LEMD1: variants seen among roughly 807,000 people sequenced by gnomAD.
LEMD1 encodes the protein LEM domain containing 1.
Under a neutral mutation model 17.4 loss-of-function variants are expected in LEMD1, and 18 were observed. The observed-to-expected ratio is 1.04, with a 90% CI of 0.72 to 1.54. The LOEUF is 1.54. LEMD1 is among the 40% of genes most tolerant of loss of function. The pLI, the probability that LEMD1 is intolerant of heterozygous loss-of-function variation, is 0.00. For missense variants in LEMD1, 195 were observed against 210.4 expected (o/e 0.93, Z 0.45); for synonymous variants, 88 against 77.8 (o/e 1.13, Z -0.69).
At chr1:205,395,354 G>T in intron 4 of LEMD1, among the ~76,000 whole-genome samples, 1 of 152,204 alleles carries the variant, frequency 6.6e-6, no homozygotes, top group East Asian at 1.9e-4. Flanking sequence ...CAGCACTTTG[G>T]GAGGCTGAGG....
intron 4 of LEMD1, among the ~76,000 whole-genome samples, chr1:205,402,733 C>T (rs1664909210): frequency 6.6e-6 from 1 of 150,680 alleles, no homozygotes; most frequent in African/African-American, 2.4e-5. Context: ...ACTTCCAACA[C>T]TATGTTGAAT....
chr1:205,382,635 T>C (rs1445689430), intron 5 of LEMD1, among the ~76,000 whole-genome samples: 1 of 152,150 alleles, frequency 6.6e-6, no homozygotes, highest in African/African-American at 2.4e-5. Context: ...AAACATTTCT[T>C]CATTGTTTCC....
At chr1:205,417,660 C>G (rs1665754409) in intron 3 of LEMD1, among the ~76,000 whole-genome samples, 1 of 152,010 alleles carries the variant, frequency 6.6e-6, no homozygotes, top group Admixed American at 6.6e-5. Flanking sequence ...CCTTGCCATC[C>G]TTTTCAAGTG....
At chr1:205,406,277 T>C (rs1424785810) in intron 4 of LEMD1, among the ~76,000 whole-genome samples, 1 of 152,232 alleles carries the variant, frequency 6.6e-6, no homozygotes, top group Non-Finnish European at 1.5e-5. Flanking sequence ...GTTACTGCTG[T>C]CTTTTTGTTT....
At chr1:205,427,989 A>G (rs1394954070) in intron 1 of LEMD1, among the ~76,000 whole-genome samples, 1 of 152,222 alleles carries the variant, frequency 6.6e-6, no homozygotes, top group African/African-American at 2.4e-5. Context: ...GATCCCGAGT[A>G]TGGAAGGCAA....
At chr1:205,428,987 G>C (rs1259059394) in intron 1 of LEMD1, among the ~76,000 whole-genome samples, 1 of 152,144 alleles carries the variant, frequency 6.6e-6, no homozygotes, top group Non-Finnish European at 1.5e-5. Context: ...TCTCCACATG[G>C]CTCCCTCACA....
At chr1:205,413,525 G>A (rs1665547484) in intron 4 of LEMD1, among the ~76,000 whole-genome samples, 1 of 148,910 alleles carries the variant, frequency 6.7e-6, no homozygotes, top group Non-Finnish European at 1.5e-5. Flanking sequence ...CTGGGCTCAA[G>A]CCAGCCTCCT....
chr1:205,394,576 A>G (rs1017404334), intron 4 of LEMD1, among the ~76,000 whole-genome samples: 3 of 152,044 alleles, frequency 2.0e-5, no homozygotes, highest in African/African-American at 7.2e-5. Flanking sequence ...GTAGAGATGA[A>G]GTTTTGCCAT....
intron 1 of LEMD1, among the ~76,000 whole-genome samples, chr1:205,443,996 G>A (rs1482077664): frequency 6.6e-6 from 1 of 152,156 alleles, no homozygotes; most frequent in Non-Finnish European, 1.5e-5. Flanking sequence ...CCTTGGCAGA[G>A]GGCTCCAGTA....
At chr1:205,389,704 A>G (rs1208538609) in intron 4 of LEMD1, among the ~76,000 whole-genome samples, 1 of 152,236 alleles carries the variant, frequency 6.6e-6, no homozygotes, top group Non-Finnish European at 1.5e-5. Flanking sequence ...TTAAAGGCCT[A>G]TATGTAGAAT....
upstream of LEMD1, among the ~76,000 whole-genome samples, chr1:205,426,244 C>A (rs1666053344): frequency 6.6e-6 from 1 of 152,202 alleles, no homozygotes; most frequent in African/African-American, 2.4e-5. Context: ...TTCCTGGTAT[C>A]CTATGAGTCC....
intron 3 of LEMD1, among the ~76,000 whole-genome samples, chr1:205,416,886 C>T (rs1370207792): frequency 6.6e-6 from 1 of 152,160 alleles, no homozygotes; most frequent in Non-Finnish European, 1.5e-5. Context: ...TGTGTCTCCC[C>T]ACTGACAAGA....
At chr1:205,406,796 G>C (rs1262078461) in intron 4 of LEMD1, among the ~76,000 whole-genome samples, 4 of 152,212 alleles carry the variant, frequency 2.6e-5, no homozygotes, top group African/African-American at 9.7e-5. Flanking sequence ...AGCGTCTTCT[G>C]TGTCGCTCAC....
intron 4 of LEMD1, among the ~76,000 whole-genome samples, chr1:205,412,352 C>T (rs922323185): frequency 2.0e-5 from 3 of 152,076 alleles, no homozygotes; most frequent in Admixed American, 2.0e-4. Context: ...TTTGACCTGG[C>T]TTAATGAGTG....
Position 205,381,876 on chromosome 1 carries a change from T to C in LEMD1, c.348-20A>G. The C allele has an allele frequency of 6.2e-7, 1 of 1,613,492 alleles. No homozygotes were observed. The highest frequency in any genetic ancestry group is 8.5e-7 in the Non-Finnish European group (1 of 1,179,618). ...GCCCACCTGTGAAAACATCAGTGGC[T>C]CTTAGGATTGTGGACAGCTGTGGTG... On this transcript the variant is annotated intron_variant, in intron 5 of 5. Coordinates refer to ENST00000367153, the MANE Select transcript of LEMD1 (RefSeq NM_001199050.2).
At chr1:205,417,688 C>T (rs1225505370) in intron 3 of LEMD1, among the ~76,000 whole-genome samples, 2 of 152,036 alleles carry the variant, frequency 1.3e-5, no homozygotes, top group Admixed American at 1.3e-4. Flanking sequence ...CGGTGCAAAA[C>T]CCCTGGGGAA....
chr1:205,394,341 G>T (rs1664484375), intron 4 of LEMD1, among the ~76,000 whole-genome samples: 1 of 151,200 alleles, frequency 6.6e-6, no homozygotes, highest in Admixed American at 6.6e-5. Context: ...AGATGCCACT[G>T]GATTGTGAAC....
chr1:205,405,962 G>A (rs1380700698), intron 4 of LEMD1, among the ~76,000 whole-genome samples: 8 of 152,206 alleles, frequency 5.3e-5, no homozygotes, highest in Admixed American at 3.3e-4. Flanking sequence ...GTTTGCTAGA[G>A]GTCCACTCCA....
upstream of LEMD1, among the ~76,000 whole-genome samples, chr1:205,426,830 G>C (rs1203053684): frequency 6.6e-6 from 1 of 152,162 alleles, no homozygotes; most frequent in African/African-American, 2.4e-5. Flanking sequence ...CTAAAGAAGG[G>C]TGTTCAGGGC....
Sources: allele counts gnomAD v4.1 joint callset (sites outside exome capture counted in the v4.1 genomes callset), GRCh38; gene constraint gnomAD v4.1.1; transcripts MANE v1.5; gene names NCBI Gene and HGNC (gene_info 2026-07-23, HGNC 2026-07-21).